LRRK1: variants seen among roughly 807,000 people sequenced by gnomAD.
LRRK1 encodes leucine rich repeat kinase 1, also known as leucine-rich repeat serine/threonine-protein kinase 1.
Under a neutral mutation model 209.1 loss-of-function variants are expected in LRRK1, and 113 were observed. That is an observed-to-expected ratio of 0.54 (90% CI 0.46 to 0.63). The LOEUF (loss-of-function observed/expected upper bound fraction) is 0.63, where lower values mean the gene tolerates loss of function less well. LRRK1 is among the 30% of genes least tolerant of loss of function. The probability of loss-of-function intolerance (pLI) is 0.00; values close to 1 mark genes in which losing one functional copy is unlikely to be tolerated. For missense variants in LRRK1, 2,284 were observed against 2,632.2 expected, an observed-to-expected ratio of 0.87 and a Z score of 2.89; for synonymous variants, 1,144 against 1,099.7, an observed-to-expected ratio of 1.04 and a Z score of -0.80.
chr15:101,027,218 G>A lies in LRRK1; in HGVS notation c.2406-43G>A, dbSNP rs201113400. On this transcript the variant is annotated intron_variant, in intron 17 of 33. Coordinates refer to ENST00000388948, the MANE Select transcript of LRRK1 (RefSeq NM_024652.6). This position sits in a 1 kb window ranked among gnomAD's most constrained non-coding sequence, Gnocchi z 5.1. Reference sequence around the variant, plus strand: ...AACAGAGAAGCAGCAGCGCTTCCTCGGAGTGGGGCATGATGAGTAAAGACG... The same window carrying A: ...AACAGAGAAGCAGCAGCGCTTCCTCAGAGTGGGGCATGATGAGTAAAGACG... The A allele has an allele frequency of 4.2e-3, 6,827 of 1,606,616 alleles. 12 individuals carry two copies. The highest frequency in any genetic ancestry group is 5.1e-3 in the Non-Finnish European group (5,966 of 1,175,176).
intron 27 of LRRK1, 111 bp from the exon 28 acceptor site, chr15:101,056,745 A>ATGTT: frequency 1.3e-6 from 1 of 784,424 alleles, no homozygotes; most frequent in Non-Finnish European, 2.0e-6. Context: ...GGTTTGTTGA[A>ATGTT]TGTTTGTTTT....
intron 6 of LRRK1, among the ~76,000 whole-genome samples, chr15:101,005,258 C>T (rs1254772868): frequency 2.6e-5 from 4 of 152,188 alleles, no homozygotes; most frequent in African/African-American, 9.6e-5. Context: ...CAGCCTGTTG[C>T]TGGGCTGACT....
intron 2 of LRRK1, among the ~76,000 whole-genome samples, chr15:100,969,557 C>T (rs2030722059): frequency 6.6e-6 from 1 of 151,966 alleles, no homozygotes; most frequent in Admixed American, 6.6e-5. Flanking sequence ...CATAGGTAAA[C>T]ATGTGCCATG....
intron 20 of LRRK1, among the ~76,000 whole-genome samples, chr15:101,035,787 T>C (rs1391046578): frequency 6.6e-6 from 1 of 152,212 alleles, no homozygotes; most frequent in East Asian, 1.9e-4. Context: ...GGTGGTACCA[T>C]TTGAGTCCTT....
chr15:101,034,941 T>C (rs1173070922), intron 20 of LRRK1, among the ~76,000 whole-genome samples: 1 of 152,098 alleles, frequency 6.6e-6, no homozygotes, highest in Admixed American at 6.5e-5. Flanking sequence ...AGTTGTAATG[T>C]CTCCTTTTTC....
At position 101,065,676 on chromosome 15, in the gene LRRK1, G is replaced by A. The variant is rs2036489109; in HGVS notation, c.5239G>A (p.Gly1747Arg). The change falls in exon 32 of 34, where the codon GGG (glycine) becomes AGG (arginine). Residue 1747 changes from glycine (G) to arginine (R), a missense_variant. Around this residue, in one of 6 missense-constraint regions of LRRK1, gnomAD observed 643 missense variants for 695.9 expected, o/e 0.92. Coordinates refer to ENST00000388948, the MANE Select transcript of LRRK1 (RefSeq NM_024652.6). Reference protein sequence around the residue: ...TSVVCSSEGRGEEVVWCLDDK... With the variant: ...TSVVCSSEGRREEVVWCLDDK... Reference sequence around the variant, plus strand: ...AGTCGTGTGCAGCTCTGAGGGCAGAGGGGAGGAGGTCGTCTGGTGCCTGGA... The same window carrying A: ...AGTCGTGTGCAGCTCTGAGGGCAGAAGGGAGGAGGTCGTCTGGTGCCTGGA... 6.2e-7 allele frequency: 1 copy of A among 1,614,134 alleles called. No individual in the cohort carries two copies. The highest frequency in any genetic ancestry group is 1.1e-5 in the South Asian group (1 of 91,084).
At chr15:101,061,494 G>C (rs1311594233) in intron 30 of LRRK1, among the ~76,000 whole-genome samples, 1 of 152,262 alleles carries the variant, frequency 6.6e-6, no homozygotes, top group Non-Finnish European at 1.5e-5. Flanking sequence ...AACCCTGCCT[G>C]CTGCTGGCTG....
At chr15:101,049,867 CA>C in intron 23 of LRRK1, 84 bp downstream of exon 23, 2 of 1,431,664 alleles carry the variant, frequency 1.4e-6, no homozygotes, top group South Asian at 1.4e-5. Flanking sequence ...TCGGGGTGGA[CA>C]AAAATCCCAC....
chr15:100,922,621 A>G (rs1399771757), intron 1 of LRRK1, among the ~76,000 whole-genome samples: 1 of 152,158 alleles, frequency 6.6e-6, no homozygotes, highest in East Asian at 1.9e-4. Context: ...TGTGATCGGA[A>G]CGTTTATTTT....
rs2033846366 is a variant in LRRK1 at position 101,022,533 on chromosome 15, A to T, written c.2003A>T (p.His668Leu). 4 of 1,613,942 alleles carry T rather than the reference A, an allele frequency of 2.5e-6. No homozygotes were observed. The highest frequency in any genetic ancestry group is 1.6e-4 in the Middle Eastern group (1 of 6,084). ...LQTGRAPQVVHGEATIRTTKW... is the reference protein window; with the variant it reads ...LQTGRAPQVVLGEATIRTTKW... Reference sequence around the variant, plus strand: ...ACGGGGAGGGCCCCCCAGGTGGTGCATGGAGAGGCCACCATCAGGACCACC... The same window carrying T: ...ACGGGGAGGGCCCCCCAGGTGGTGCTTGGAGAGGCCACCATCAGGACCACC... Residue 668 changes from histidine (H) to leucine (L), a missense_variant, in exon 15 of 34, where the codon CAT becomes CTT. By Grantham distance (99) the His-to-Leu change is moderately conservative (BLOSUM62 -3). Around this residue, in one of 6 missense-constraint regions of LRRK1, gnomAD observed 494 missense variants for 522.1 expected, o/e 0.95. Coordinates refer to ENST00000388948, the MANE Select transcript of LRRK1 (RefSeq NM_024652.6). The surrounding 1 kb of genome is among the most constrained non-coding windows in gnomAD (Gnocchi z 4.0).
chr15:100,976,445 T>C (rs1247558296), intron 3 of LRRK1, among the ~76,000 whole-genome samples: 1 of 152,246 alleles, frequency 6.6e-6, no homozygotes, highest in Non-Finnish European at 1.5e-5. Context: ...ACTTCGTTAA[T>C]GCGTATAGAA....
At chr15:100,954,972 G>A (rs575108162) in intron 2 of LRRK1, among the ~76,000 whole-genome samples, 12 of 152,190 alleles carry the variant, frequency 7.9e-5, no homozygotes, top group African/African-American at 2.9e-4. Context: ...TCTCAAGATT[G>A]CTTTGGCTAA....
intron 2 of LRRK1, among the ~76,000 whole-genome samples, chr15:100,932,772 G>A (rs769671496): frequency 4.6e-5 from 7 of 152,270 alleles, no homozygotes; most frequent in African/African-American, 1.4e-4. Flanking sequence ...TTGCTGATCC[G>A]TTGAAACAGT....
chr15:101,006,688 C>T (rs555260649), intron 6 of LRRK1, among the ~76,000 whole-genome samples: 4 of 152,168 alleles, frequency 2.6e-5, no homozygotes, highest in Non-Finnish European at 4.4e-5. Context: ...TGAAGCATCA[C>T]GATGTATAAT....
At chr15:100,947,760 G>A (rs1042652150) in intron 2 of LRRK1, among the ~76,000 whole-genome samples, 3 of 152,212 alleles carry the variant, frequency 2.0e-5, no homozygotes, top group African/African-American at 7.2e-5. Flanking sequence ...ATGAAGAAGA[G>A]TGTGCTAGAT....
rs200690035 is a variant in LRRK1 at position 100,989,388 on chromosome 15, C to T, written c.752C>T (p.Pro251Leu). 1.7e-5 allele frequency: 27 copies of T among 1,614,136 alleles called. No individual in the cohort carries two copies. The Middle Eastern group carries it at 6.6e-4, about 40-fold the overall frequency. ...GCCAGTCCCTTGCCCAGCAGTTATC[C>T]GGGAAAAACAGTGAGTAGTCACTGC... is the stretch of plus-strand genomic sequence containing the variant. Reference protein sequence around the residue: ...IEASPLPSSYPGKTALRVKWS... With the variant: ...IEASPLPSSYLGKTALRVKWS... The change falls in exon 6 of 34, where the codon CCG becomes CTG. Residue 251 changes from proline (P) to leucine (L), a missense_variant. Transcript: ENST00000388948.
At chr15:101,062,151 G>T (rs962357620) in intron 30 of LRRK1, among the ~76,000 whole-genome samples, 1 of 152,188 alleles carries the variant, frequency 6.6e-6, no homozygotes, top group Non-Finnish European at 1.5e-5. Context: ...TGCATGGGAA[G>T]AACAGTGAAC....
intron 6 of LRRK1, 146 bp downstream of exon 6, chr15:100,989,544 A>G (rs559213301): frequency 2.5e-6 from 2 of 798,664 alleles, no homozygotes; most frequent in Non-Finnish European, 4.0e-6. Flanking sequence ...TAGTGCTGGT[A>G]TCTGGTGAGG....
chr15:101,047,666 A>C (rs1251291505), intron 21 of LRRK1, among the ~76,000 whole-genome samples: 1 of 152,248 alleles, frequency 6.6e-6, no homozygotes, highest in Non-Finnish European at 1.5e-5. Flanking sequence ...TCACATTAGC[A>C]AAAAGCTGAG....
Sources: allele counts gnomAD v4.1 joint callset (sites outside exome capture counted in the v4.1 genomes callset), GRCh38; gene constraint gnomAD v4.1.1; regional missense constraint gnomAD v4.1.1; non-coding constraint Gnocchi (gnomAD v3.1); transcripts MANE v1.5; gene names NCBI Gene and HGNC (gene_info 2026-07-23, HGNC 2026-07-21).